The following MYO3B variants were observed in gnomAD, a reference collection of about 807,000 sequenced individuals.
MYO3B encodes the protein myosin IIIB.
A neutral mutation model predicts 174.6 loss-of-function variants in MYO3B; 156 were observed. That is an observed-to-expected ratio of 0.89 (90% CI 0.78 to 1.02). The LOEUF is 1.02. Ranked by LOEUF, MYO3B falls within the 50% of genes least tolerant of loss-of-function variation. The pLI is 0.00. For missense variants in MYO3B, 1,632 were observed against 1,639.4 expected (o/e 1.00, Z 0.08); for synonymous variants, 563 against 569.1 (o/e 0.99, Z 0.15).
At chr2:170,413,392 C>T (rs1459084317) in intron 22 of MYO3B, among the ~76,000 whole-genome samples, 1 of 152,016 alleles carries the variant, frequency 6.6e-6, no homozygotes, top group African/African-American at 2.4e-5. Flanking sequence ...CCTCTTTGGG[C>T]AGAGGGAGGT....
intron 7 of MYO3B, among the ~76,000 whole-genome samples, chr2:170,314,845 A>C (rs1410649722): frequency 2.6e-5 from 4 of 152,286 alleles, no homozygotes; most frequent in African/African-American, 9.6e-5. Flanking sequence ...AATACATAGA[A>C]GACTACGCTA....
At chr2:170,228,194 A>G (rs951789478) in intron 6 of MYO3B, among the ~76,000 whole-genome samples, 10 of 152,152 alleles carry the variant, frequency 6.6e-5, no homozygotes, top group Non-Finnish European at 1.3e-4. Context: ...CTCCATAATT[A>G]TAAGGATTCC....
intron 7 of MYO3B, 133 bp from the exon 8 acceptor site, chr2:170,335,251 TA>T: frequency 5.8e-6 from 4 of 695,322 alleles, no homozygotes; most frequent in South Asian, 2.0e-5. Context: ...AATCTACCAC[TA>T]AAAAATGACT....
At chr2:170,310,103 T>G (rs1284122061) in intron 7 of MYO3B, among the ~76,000 whole-genome samples, 2 of 152,220 alleles carry the variant, frequency 1.3e-5, no homozygotes, top group Non-Finnish European at 2.9e-5. Flanking sequence ...ACTTATATCC[T>G]GACTGAGCTA....
In MYO3B at chr2:170,420,289, A is replaced by T. The variant is rs2094606375; in HGVS notation, c.2650+12445A>T. 2.0e-5 allele frequency among the ~76,000 whole-genome samples: 3 copies of T among 152,208 alleles called. No homozygotes were observed. In the South Asian group the frequency reaches 6.2e-4, roughly 31 times the overall value. ...TATTTAATAACTGAAAAATCTATGA[A>T]ATGGGACTATGCTACGGTTAAGGAG... On this transcript the variant is annotated intron_variant, in intron 22 of 34. Coordinates refer to ENST00000408978, the MANE Select transcript of MYO3B (RefSeq NM_138995.5).
intron 33 of MYO3B, 85 bp downstream of exon 33, chr2:170,651,819 C>CTGGGGG: frequency 9.2e-7 from 1 of 1,081,946 alleles, no homozygotes; most frequent in Non-Finnish European, 1.4e-6. Flanking sequence ...CCAGCCCCTG[C>CTGGGGG]AGCCCCACCC....
At chr2:170,187,631 G>A (rs1300829120) in intron 1 of MYO3B, among the ~76,000 whole-genome samples, 1 of 152,100 alleles carries the variant, frequency 6.6e-6, no homozygotes, top group Non-Finnish European at 1.5e-5. Flanking sequence ...TCTTAGCACT[G>A]CTTTCACTGT....
chr2:170,377,103 G>C lies in MYO3B; in HGVS notation c.972-4913G>C, dbSNP rs143867945. On this transcript the variant is annotated intron_variant, in intron 9 of 34. Transcript: ENST00000408978. Reference sequence around the variant, plus strand: ...CTAATTGATTAATGAGTCACTTTTGGGCAAAATATGTTTGTCAATATAGTT... The same window carrying C: ...CTAATTGATTAATGAGTCACTTTTGCGCAAAATATGTTTGTCAATATAGTT... Among the ~76,000 whole-genome samples the C allele has an allele frequency of 2.6e-5, 4 of 152,270 alleles. No individual in the cohort carries two copies. The East Asian group carries it at 7.7e-4, about 29-fold the overall frequency.
intron 7 of MYO3B, among the ~76,000 whole-genome samples, chr2:170,327,606 C>T (rs1270141995): frequency 1.3e-5 from 2 of 152,094 alleles, no homozygotes; most frequent in Non-Finnish European, 2.9e-5. Flanking sequence ...GTTCTCCTTA[C>T]ACATCTCTTC....
intron 32 of MYO3B, among the ~76,000 whole-genome samples, chr2:170,564,171 T>G (rs1425277886): frequency 6.6e-6 from 1 of 152,186 alleles, no homozygotes; most frequent in South Asian, 2.1e-4. Flanking sequence ...TTAGATGAAA[T>G]GGCTATAAAA....
chr2:170,502,441 A>G (rs777022892), intron 28 of MYO3B, among the ~76,000 whole-genome samples: 43 of 152,208 alleles, frequency 2.8e-4, no homozygotes, highest in Non-Finnish European at 5.1e-4. Flanking sequence ...ATATGTGGCT[A>G]TCATGGTCCT....
At chr2:170,585,825 G>A (rs1575204006) in intron 32 of MYO3B, among the ~76,000 whole-genome samples, 1 of 152,212 alleles carries the variant, frequency 6.6e-6, no homozygotes, top group African/African-American at 2.4e-5. Flanking sequence ...GCTGAGGCGG[G>A]TGGATCACTT....
At chr2:170,236,172 C>T (rs371368125) in intron 7 of MYO3B, 36 bp downstream of exon 7, 1 of 1,610,114 alleles carries the variant, frequency 6.2e-7, no homozygotes, top group South Asian at 1.1e-5. Context: ...CTCATTAGTT[C>T]TTTGTGAAAG....
chr2:170,498,183 A>C (rs1262400234), intron 25 of MYO3B, among the ~76,000 whole-genome samples: 3 of 152,294 alleles, frequency 2.0e-5, no homozygotes, highest in Non-Finnish European at 4.4e-5. Context: ...AAATTGCTTT[A>C]GACGGGACTT....
chr2:170,321,077 C>G (rs2093822298), intron 7 of MYO3B, among the ~76,000 whole-genome samples: 1 of 151,882 alleles, frequency 6.6e-6, no homozygotes, highest in Admixed American at 6.6e-5. Flanking sequence ...CCAGCCCGGG[C>G]AACATAATGA....
chr2:170,313,615 T>C lies in MYO3B; in HGVS notation c.750-21770T>C, dbSNP rs188886121. 4.6e-4 allele frequency among the ~76,000 whole-genome samples: 70 copies of C among 152,310 alleles called. 1 individual carries two copies. Among genetic ancestry groups the C allele is most frequent in the Admixed American group, 8.5e-4 (13 of 15,302 alleles). Reference sequence around the variant, plus strand: ...AGCCACCTGGACCCTAGAATCAGTTTTAATGTCAGCAAGCATGATCTCTTC... The same window carrying C: ...AGCCACCTGGACCCTAGAATCAGTTCTAATGTCAGCAAGCATGATCTCTTC... On this transcript the variant is annotated intron_variant, in intron 7 of 34. Transcript: ENST00000408978.
At chr2:170,575,915 C>G (rs1372588454) in intron 32 of MYO3B, among the ~76,000 whole-genome samples, 4 of 152,130 alleles carry the variant, frequency 2.6e-5, no homozygotes, top group Non-Finnish European at 5.9e-5. Flanking sequence ...ACTCTCGTAG[C>G]TGAAAGGATT....
Position 170,227,549 on chromosome 2 carries a change from T to C in MYO3B, c.604-8442T>C, listed in dbSNP as rs185216932. 1.4e-4 allele frequency among the ~76,000 whole-genome samples: 21 copies of C among 152,324 alleles called. No homozygotes were observed. The East Asian group carries it at 4.0e-3, about 29-fold the overall frequency. ...ATCCACCTGTTTTGGCCTCTCAAAG[T>C]GCTGAGATGACAGGCATGAGCCACA... On this transcript the variant is annotated intron_variant, in intron 6 of 34. Transcript: ENST00000408978.
At chr2:170,426,679 C>G (rs576840290) in intron 22 of MYO3B, among the ~76,000 whole-genome samples, 1 of 152,006 alleles carries the variant, frequency 6.6e-6, no homozygotes, top group Non-Finnish European at 1.5e-5. Context: ...GCAAGTCTTA[C>G]GCAGTAGCTG....
Sources: allele counts gnomAD v4.1 joint callset (sites outside exome capture counted in the v4.1 genomes callset), GRCh38; gene constraint gnomAD v4.1.1; transcripts MANE v1.5; gene names NCBI Gene and HGNC (gene_info 2026-07-23, HGNC 2026-07-21).